The following PCDHA11 variants were observed in gnomAD, a reference collection of about 807,000 sequenced individuals.
PCDHA11 encodes the protein protocadherin alpha-11.
In PCDHA11, 61 loss-of-function variants were observed where a neutral mutation model predicts 70.3. The ratio of observed to expected loss-of-function variants is 0.87; its 90% CI spans 0.71 to 1.07. PCDHA11 has a LOEUF of 1.07. Among genes scored for constraint, PCDHA11 ranks in the 50% least tolerant of loss-of-function variants. The probability of loss-of-function intolerance (pLI) is 0.00; values close to 1 mark genes in which losing one functional copy is unlikely to be tolerated. For missense variants in PCDHA11, 1,324 were observed against 1,237.5 expected, an observed-to-expected ratio of 1.07 and a Z score of -1.05; for synonymous variants, 633 against 555.1, an observed-to-expected ratio of 1.14 and a Z score of -1.97.
Position 141,010,445 on chromosome 5 carries a change from A to C in PCDHA11, c.*508A>C. On this transcript the variant is annotated 3_prime_UTR_variant, in exon 4 of 4. Transcript: ENST00000398640. ...AAGGCAAGAAAACAAAGACAAATAA[A>C]CAGCGGAAGTTATCAGTATGGAGGG... 1.1e-6 allele frequency: 1 copy of C among 944,134 alleles called. No individual in the cohort carries two copies. The highest frequency in any genetic ancestry group is 1.5e-6 in the Non-Finnish European group (1 of 656,048). 58.5% of individuals were successfully genotyped at this position (944,134 alleles called of 1,614,324 possible).
At chr5:140,903,609 A>G (rs565435427) in intron 1 of PCDHA11, among the ~76,000 whole-genome samples, 2 of 152,360 alleles carry the variant, frequency 1.3e-5, no homozygotes, top group Admixed American at 6.5e-5. Flanking sequence ...CTTAATACAC[A>G]TGAATGTGCA....
rs2050777662 is a variant in PCDHA11 at position 140,868,980 on chromosome 5, G to A, written c.-124G>A. On this transcript the variant is annotated 5_prime_UTR_variant, in exon 1 of 4. Transcript: ENST00000398640. ...CCATACAAAGGAACTCCATCATACC[G>A]GATGCCACCGTTTAAGGATCCTTTG... The A allele has an allele frequency of 1.3e-6, 2 of 1,489,988 alleles. No homozygotes were observed. The highest frequency in any genetic ancestry group is 2.8e-5 in the South Asian group (2 of 71,986). The allele number at this position is 1,489,988 out of a possible 1,614,324, so 92.3% of individuals were successfully genotyped here.
chr5:140,876,979 G>T lies in PCDHA11; in HGVS notation c.2391+5485G>T. ...GGTGGAGCGGCGGGTGGGCGAGCAC[G>T]CACTGTCGAGCTACGTGTCGGTGCA... On this transcript the variant is annotated intron_variant, in intron 1 of 3. Transcript: ENST00000398640. The T allele has an allele frequency of 2.5e-6, 4 of 1,612,614 alleles. No homozygotes were observed. The South Asian group carries it at 3.3e-5, about 13-fold the overall frequency.
At chr5:141,004,564 T>C (rs1205705593) in intron 3 of PCDHA11, among the ~76,000 whole-genome samples, 1 of 152,196 alleles carries the variant, frequency 6.6e-6, no homozygotes, top group Non-Finnish European at 1.5e-5. Flanking sequence ...AAGATGAACA[T>C]ATCTCTGTGT....
chr5:140,989,215 C>T (rs1162430361), intron 3 of PCDHA11, among the ~76,000 whole-genome samples: 1 of 152,108 alleles, frequency 6.6e-6, no homozygotes, highest in Non-Finnish European at 1.5e-5. Flanking sequence ...CTTTATACAC[C>T]ATTCTTTGTA....
Position 140,870,955 on chromosome 5 carries a change from C to T in PCDHA11, c.1852C>T (p.Arg618Cys). 1 of 1,613,632 alleles carries T rather than the reference C, an allele frequency of 6.2e-7. No individual in the cohort carries two copies. The highest frequency in any genetic ancestry group is 8.5e-7 in the Non-Finnish European group (1 of 1,179,876). Residue 618 changes from arginine to cysteine, a missense_variant, in exon 1 of 4, where the codon CGC becomes TGC. Arg to Cys is a radical substitution (Grantham distance 180). Coordinates refer to ENST00000398640, the MANE Select transcript of PCDHA11 (RefSeq NM_018902.5). ...YELQPAAGGS[R>C]IPFRVGLYTG... is the part of the protein sequence containing the mutation. ...ATTGCAGCCGGCGGCGGGCGGCTCGCGCATCCCGTTCCGCGTGGGGCTGTA... is the reference window on the plus strand; with the variant it reads ...ATTGCAGCCGGCGGCGGGCGGCTCGTGCATCCCGTTCCGCGTGGGGCTGTA...
At position 140,875,993 on chromosome 5, in the gene PCDHA11, T is replaced by G. The variant is rs574636926; in HGVS notation, c.2391+4499T>G. On this transcript the variant is annotated intron_variant, in intron 1 of 3. Coordinates refer to ENST00000398640, the MANE Select transcript of PCDHA11 (RefSeq NM_018902.5). The stretch of plus-strand genomic sequence containing the variant: ...TCTCTTTTGACCTATGCGTTAAGTC[T>G]AAATGAGAATTTTGAGCTTAAAATA... The G allele has an allele frequency of 3.5e-4, 564 of 1,613,988 alleles. 6 individuals are homozygous for G. In the South Asian group the frequency reaches 5.9e-3, roughly 17 times the overall value.
intron 1 of PCDHA11, among the ~76,000 whole-genome samples, chr5:140,896,222 A>G (rs1554186870): frequency 6.6e-6 from 1 of 152,222 alleles, no homozygotes; most frequent in Non-Finnish European, 1.5e-5. Context: ...ATGTGTCTTT[A>G]TAGTAGAATG....
intron 1 of PCDHA11, among the ~76,000 whole-genome samples, chr5:140,955,135 G>A (rs114298661): frequency 0.017 from 2,539 of 152,204 alleles, 31 homozygotes; most frequent in Middle Eastern, 0.034. Flanking sequence ...TGGTCTACAC[G>A]TCTGTTTTTG....
At chr5:140,936,630 T>C (rs1309907947) in intron 1 of PCDHA11, among the ~76,000 whole-genome samples, 1 of 152,234 alleles carries the variant, frequency 6.6e-6, no homozygotes, top group Non-Finnish European at 1.5e-5. Context: ...GCTACCTTTG[T>C]CATAAGCAAC....
chr5:140,988,184 GGT>G (rs2153871318), intron 3 of PCDHA11, among the ~76,000 whole-genome samples: 1 of 152,246 alleles, frequency 6.6e-6, no homozygotes, highest in East Asian at 1.9e-4. Flanking sequence ...AGTCCTGGGA[GGT>G]GTGTGCATAT....
At position 140,870,111 on chromosome 5, in the gene PCDHA11, G is replaced by A. The variant is rs112749867; in HGVS notation, c.1008G>A (p.Trp336Ter). ...CAATGGCAGGTCACTGTACAGTCTG[G>A]GTGGAAATCTTGGACACCAACGATA... is the stretch of plus-strand genomic sequence containing the variant. Reference protein sequence around the residue: ...TPPMAGHCTVWVEILDTNDNS... With the variant: ...TPPMAGHCTV Residue 336 changes from tryptophan (W) to a stop codon, truncating the protein, a stop_gained, in exon 1 of 4, where the codon TGG (tryptophan) becomes TGA (stop). Coordinates refer to ENST00000398640, the MANE Select transcript of PCDHA11 (RefSeq NM_018902.5). LOFTEE classifies it high-confidence loss of function. 6.8e-6 allele frequency: 11 copies of A among 1,613,880 alleles called. No individual in the cohort carries two copies. The highest frequency in any genetic ancestry group is 9.3e-6 in the Non-Finnish European group (11 of 1,179,880).
rs1554165130 is a variant in PCDHA11 at position 140,871,112 on chromosome 5, A to G, written c.2009A>G (p.Glu670Gly). 2 of 1,613,290 alleles carry G rather than the reference A, an allele frequency of 1.2e-6. No individual in the cohort carries two copies. The highest frequency in any genetic ancestry group is 1.7e-6 in the Non-Finnish European group (2 of 1,179,882). Residue 670 changes from glutamate (E) to glycine (G), a missense_variant, in exon 1 of 4, where the codon GAG becomes GGG. Coordinates refer to ENST00000398640, the MANE Select transcript of PCDHA11 (RefSeq NM_018902.5). ...GCCACCGTGCTGGTGTCGTTGGTGGAGAGCGGACAGGCGCCAAAGGCCTCT... is the reference window on the plus strand; with the variant it reads ...GCCACCGTGCTGGTGTCGTTGGTGGGGAGCGGACAGGCGCCAAAGGCCTCT... ...ATATVLVSLV[E>G]SGQAPKASSR...
chr5:140,882,770 T>C (rs781904504), intron 1 of PCDHA11: 4 of 1,614,144 alleles, frequency 2.5e-6, no homozygotes, highest in Non-Finnish European at 3.4e-6. Flanking sequence ...AAACTCGGCA[T>C]TGACCTACCG....
intron 1 of PCDHA11, chr5:140,968,986 A>C (rs143656335): frequency 6.8e-6 from 11 of 1,614,206 alleles, no homozygotes; most frequent in East Asian, 6.7e-5. Context: ...ATGGCACTGC[A>C]TGCTGTGGAG....
chr5:140,958,672 A>G (rs1554223601), intron 1 of PCDHA11, among the ~76,000 whole-genome samples: 1 of 152,218 alleles, frequency 6.6e-6, no homozygotes, highest in African/African-American at 2.4e-5. Context: ...AATTTTAATT[A>G]TAAAGGATAT....
intron 1 of PCDHA11, chr5:140,881,383 G>C: frequency 1.0e-6 from 1 of 984,330 alleles, no homozygotes; most frequent in Non-Finnish European, 1.2e-6. Flanking sequence ...AGCCGGCGGC[G>C]GTAAGTTAAA....
At chr5:140,971,369 T>C (rs1384716266) in intron 1 of PCDHA11, among the ~76,000 whole-genome samples, 1 of 152,094 alleles carries the variant, frequency 6.6e-6, no homozygotes, top group Non-Finnish European at 1.5e-5. Context: ...GCCAGGAGAG[T>C]GCATGACTTT....
chr5:140,965,445 G>T (rs1460508023), intron 1 of PCDHA11, among the ~76,000 whole-genome samples: 1 of 151,794 alleles, frequency 6.6e-6, no homozygotes, highest in Non-Finnish European at 1.5e-5. Flanking sequence ...TGAAATTGCT[G>T]GTTATTGTAA....
Sources: gnomAD v4.1 joint callset for allele counts (sites outside exome capture counted in the v4.1 genomes callset) on GRCh38, gnomAD v4.1.1 for gene constraint, MANE v1.5 for transcripts, NCBI Gene and HGNC (gene_info 2026-07-23, HGNC 2026-07-21) for gene names.